The following G6PC1 variants were observed in gnomAD, a reference collection of about 807,000 sequenced individuals.
G6PC1 encodes G-6-Pase.
Under a neutral mutation model 30.4 loss-of-function variants are expected in G6PC1, and 23 were observed. That is an observed-to-expected ratio of 0.76 (90% CI 0.55 to 1.07). The LOEUF is 1.07. Among genes scored for constraint, G6PC1 ranks in the 50% least tolerant of loss-of-function variants. The pLI is 0.00. For missense variants in G6PC1, 391 were observed against 433.9 expected, an observed-to-expected ratio of 0.90 and a Z score of 0.88; for synonymous variants, 163 against 175.6, an observed-to-expected ratio of 0.93 and a Z score of 0.57.
At chr17:42,903,256 T>C (rs2056038434) in intron 1 of G6PC1, among the ~76,000 whole-genome samples, 1 of 151,930 alleles carries the variant, frequency 6.6e-6, no homozygotes, top group South Asian at 2.1e-4. Flanking sequence ...TAATTCTTTA[T>C]ATTTTTTGGT....
chr17:42,905,429 A>AAATAT lies in G6PC1; in HGVS notation c.340+1390_340+1391insATATA, dbSNP rs572893716. Among the ~76,000 whole-genome samples, 94 of 120,834 alleles carry AAATAT rather than the reference A, an allele frequency of 7.8e-4. 1 individual carries two copies. The highest frequency in any genetic ancestry group is 3.5e-3 in the African/African-American group (89 of 25,476). 79.3% of individuals were successfully genotyped at this position (120,834 alleles called of 152,430 possible). The stretch of plus-strand genomic sequence containing the variant: ...AGACACCATCTGAAAAAAAAAAAAA[A>AAATAT]ATATATATATATATACACACACACA... On this transcript the variant is annotated intron_variant, in intron 2 of 4. Coordinates refer to ENST00000253801, the MANE Select transcript of G6PC1 (RefSeq NM_000151.4).
chr17:42,910,338 G>A (rs1001085140), intron 4 of G6PC1, among the ~76,000 whole-genome samples: 3 of 152,156 alleles, frequency 2.0e-5, no homozygotes, highest in Admixed American at 1.3e-4. Flanking sequence ...GGGAGATAAT[G>A]GTTTCATGGT....
chr17:42,907,683 G>A (rs527336983), intron 3 of G6PC1, 55 bp downstream of exon 3: 3 of 1,203,280 alleles, frequency 2.5e-6, no homozygotes, highest in Admixed American at 1.7e-5. Flanking sequence ...AGCTCTCTCT[G>A]TAGCTGACAC....
chr17:42,905,506 CAAAA>C (rs555446125), intron 2 of G6PC1, among the ~76,000 whole-genome samples: 2 of 66,510 alleles, frequency 3.0e-5, no homozygotes, highest in Non-Finnish European at 6.1e-5. Flanking sequence ...TGTTTATAGG[CAAAA>C]AAAAAAAAAA....
In G6PC1 at chr17:42,911,730, C is replaced by G. The variant is rs1302439367; in HGVS notation, c.*304C>G. ...TACTCTCACAAGTAGGGAGCTCACT[C>G]CCACTGGAACAGCCCATTTTATCTT... On this transcript the variant is annotated 3_prime_UTR_variant, in exon 5 of 5. Coordinates refer to ENST00000253801, the MANE Select transcript of G6PC1 (RefSeq NM_000151.4). The G allele has an allele frequency of 2.2e-6, 1 of 446,888 alleles. No individual in the cohort carries two copies. Among genetic ancestry groups the G allele is most frequent in the Non-Finnish European group, 4.1e-6 (1 of 241,512 alleles). The allele number at this position is 446,888 out of a possible 1,614,324, so 27.7% of individuals were successfully genotyped here.
In G6PC1 at chr17:42,914,180, C is replaced by T. The variant is rs1324417166; in HGVS notation, c.*2754C>T. Reference sequence around the variant, plus strand: ...GAACTCCTGGGTTCAAGTGATCCTCCTGCCTCAGCCTCCCAAAGTGCTGGG... The same window carrying T: ...GAACTCCTGGGTTCAAGTGATCCTCTTGCCTCAGCCTCCCAAAGTGCTGGG... On this transcript the variant is annotated 3_prime_UTR_variant, in exon 5 of 5. Coordinates refer to ENST00000253801, the MANE Select transcript of G6PC1 (RefSeq NM_000151.4). 6.6e-6 allele frequency among the ~76,000 whole-genome samples: 1 copy of T among 151,856 alleles called. No homozygotes were observed. The highest frequency in any genetic ancestry group is 1.5e-5 in the Non-Finnish European group (1 of 67,998).
Position 42,911,545 on chromosome 17 carries a change from C to T in G6PC1, c.*119C>T, listed in dbSNP as rs886052957. ...AGTGACATGCCATCCATTCTGCCGT[C>T]GTGGAATTAAATCACGGATGGCAGA... On this transcript the variant is annotated 3_prime_UTR_variant, in exon 5 of 5. Transcript: ENST00000253801. The T allele has an allele frequency of 5.4e-5, 81 of 1,487,324 alleles. No homozygotes were observed. Among genetic ancestry groups the T allele is most frequent in the Middle Eastern group, 2.0e-4 (1 of 5,034 alleles). The allele number at this position is 1,487,324 out of a possible 1,614,324, so 92.1% of individuals were successfully genotyped here.
chr17:42,909,389 C>T lies in G6PC1; in HGVS notation c.533C>T (p.Pro178Leu), dbSNP rs768803329. 3.1e-6 allele frequency: 5 copies of T among 1,614,078 alleles called. No individual in the cohort carries two copies. In the Admixed American group the frequency reaches 8.3e-5, roughly 27 times the overall value. Reference protein sequence around the residue: ...LSRIYLAAHFPHQVVAGVLSG... With the variant: ...LSRIYLAAHFLHQVVAGVLSG... ...CGAATCTACCTTGCTGCTCATTTTC[C>T]TCATCAAGTTGTTGCTGGAGTCCTG... The change falls in exon 4 of 5, where the codon CCT (proline) becomes CTT (leucine). Residue 178 changes from proline (P) to leucine (L), a missense_variant. Pro to Leu is a moderately conservative substitution (Grantham distance 98). Coordinates refer to ENST00000253801, the MANE Select transcript of G6PC1 (RefSeq NM_000151.4).
At chr17:42,906,347 G>A (rs1166318399) in intron 2 of G6PC1, among the ~76,000 whole-genome samples, 1 of 152,134 alleles carries the variant, frequency 6.6e-6, no homozygotes, top group Admixed American at 6.6e-5. Flanking sequence ...CTGAAGCTGG[G>A]GATGGCTCCT....
chr17:42,910,211 A>C (rs775484682), intron 4 of G6PC1, among the ~76,000 whole-genome samples: 15 of 152,226 alleles, frequency 9.9e-5, no homozygotes, highest in Non-Finnish European at 1.6e-4. Flanking sequence ...GTTAAGCATA[A>C]GAAAGATTTT....
In G6PC1 at chr17:42,901,146, C is replaced by G. The variant is rs2056023725; in HGVS notation, c.230+40C>G. 4 of 1,534,642 alleles carry G rather than the reference C, an allele frequency of 2.6e-6. No individual in the cohort carries two copies. The African/African-American group carries it at 5.5e-5, about 21-fold the overall frequency. On this transcript the variant is annotated intron_variant, in intron 1 of 4. Coordinates refer to ENST00000253801, the MANE Select transcript of G6PC1 (RefSeq NM_000151.4). ...GAGAGGAGATCAGCAAGAAAAGAGG[C>G]TGGCATTCGCTCTCGCAATGTCTGT...
intron 1 of G6PC1, among the ~76,000 whole-genome samples, chr17:42,901,741 A>G (rs1468607331): frequency 6.6e-6 from 1 of 151,930 alleles, no homozygotes; most frequent in East Asian, 1.9e-4. Flanking sequence ...ATGCTGTATG[A>G]AAAAAGGAAA....
rs899288649 is a variant in G6PC1 at position 42,911,162 on chromosome 17, C to T, written c.810C>T (p.Gly270=). Residue 270 remains glycine, a synonymous_variant, in exon 5 of 5, where the codon GGC becomes GGT. Coordinates refer to ENST00000253801, the MANE Select transcript of G6PC1 (RefSeq NM_000151.4). ...TCAAGAACCTGGGCACGCTCTTTGG[C>T]CTGGGGCTGGCTCTCAACTCCAGCA... ...SLLKNLGTLF[G]LGLALNSSMY... is the part of the protein sequence containing the mutation. 1 of 1,614,130 alleles carries T rather than the reference C, an allele frequency of 6.2e-7. No homozygotes were observed.
In G6PC1 at chr17:42,912,676, C is replaced by T. The variant is rs1416476417; in HGVS notation, c.*1250C>T. 3 of 149,424 alleles carry T rather than the reference C, an allele frequency of 2.0e-5. No homozygotes were observed. The highest frequency in any genetic ancestry group is 4.4e-5 in the Non-Finnish European group (3 of 67,730). The allele number at this position is 149,424 out of a possible 1,614,324, so 9.3% of individuals were successfully genotyped here. On this transcript the variant is annotated 3_prime_UTR_variant, in exon 5 of 5. Transcript: ENST00000253801. ...TTTGAGACAGGGTCTCACTATGTTG[C>T]CCAGGCTGCTCTTGAATTCCTGGGC...
intron 3 of G6PC1, among the ~76,000 whole-genome samples, chr17:42,907,970 C>T (rs1444756547): frequency 6.6e-6 from 1 of 152,190 alleles, no homozygotes; most frequent in Non-Finnish European, 1.5e-5. Flanking sequence ...TTAAAATAAC[C>T]AGAGAAACAG....
intron 3 of G6PC1, 29 bp downstream of exon 3, chr17:42,907,657 G>A: frequency 6.7e-7 from 1 of 1,486,756 alleles, no homozygotes. Flanking sequence ...GGTGTAGGTG[G>A]TGGAGGGCAG....
At chr17:42,907,296 C>T (rs1035470904) in intron 2 of G6PC1, among the ~76,000 whole-genome samples, 2 of 151,346 alleles carry the variant, frequency 1.3e-5, no homozygotes, top group Non-Finnish European at 2.9e-5. Flanking sequence ...TTGCACAATG[C>T]TTGGTGCATA....
intron 2 of G6PC1, among the ~76,000 whole-genome samples, chr17:42,906,960 C>T (rs539556322): frequency 6.6e-6 from 1 of 152,212 alleles, no homozygotes; most frequent in East Asian, 1.9e-4. Context: ...GTAGGACTCA[C>T]TGAGAATATG....
At position 42,905,506 on chromosome 17, in the gene G6PC1, C is replaced by CAAAAA. The variant is rs555446125; in HGVS notation, c.340+1477_340+1481dup. ...ATACTAGAAAATGATTGTTTATAGG[C>CAAAAA]AAAAAAAAAAAAAAAGAAGAAGAAG... On this transcript the variant is annotated intron_variant, in intron 2 of 4. Coordinates refer to ENST00000253801, the MANE Select transcript of G6PC1 (RefSeq NM_000151.4). 2.0e-3 allele frequency among the ~76,000 whole-genome samples: 132 copies of CAAAAA among 66,506 alleles called. 1 individual carries two copies. Among genetic ancestry groups the CAAAAA allele is most frequent in the Middle Eastern group, 0.02 (2 of 100 alleles). The allele number at this position is 66,506 out of a possible 152,430, so 43.6% of individuals were successfully genotyped here. A position where few individuals can be genotyped will look rare whatever the true frequency, so the allele number is the denominator to read the frequency against.
Sources: allele counts gnomAD v4.1 joint callset (sites outside exome capture counted in the v4.1 genomes callset), GRCh38; gene constraint gnomAD v4.1.1; transcripts MANE v1.5; gene names NCBI Gene and HGNC (gene_info 2026-07-23, HGNC 2026-07-21).